MCMDC2: variants seen among roughly 807,000 people sequenced by gnomAD.
MCMDC2 encodes the protein minichromosome maintenance domain-containing protein 2.
A neutral mutation model predicts 75.8 loss-of-function variants in MCMDC2; 54 were observed. The ratio of observed to expected loss-of-function variants is 0.71; its 90% confidence interval spans 0.57 to 0.89. MCMDC2 has a LOEUF of 0.89. Among genes scored for constraint, MCMDC2 ranks in the 40% least tolerant of loss-of-function variants. The pLI is 0.00. For missense variants in MCMDC2, 656 were observed against 780.4 expected (o/e 0.84, Z 1.90); for synonymous variants, 249 against 274.6 (o/e 0.91, Z 0.92).
chr8:66,878,422 A>G, intron 5 of MCMDC2, 152 bp from the exon 6 acceptor site: 2 of 685,150 alleles, frequency 2.9e-6, no homozygotes, highest in Non-Finnish European at 4.3e-6. Flanking sequence ...GAATTAGACT[A>G]ATTTTAAAGG....
chr8:66,911,549 C>T (rs768596676), intron 14 of MCMDC2, among the ~76,000 whole-genome samples: 4 of 152,252 alleles, frequency 2.6e-5, no homozygotes, highest in African/African-American at 9.6e-5. Context: ...GGAGGCCGAG[C>T]GTGGTGGCTC....
rs1342217814 is a variant in MCMDC2 at position 66,880,872 on chromosome 8, A to G, written c.733A>G (p.Ile245Val). The change falls in exon 8 of 15, where the codon ATA (isoleucine) becomes GTA (valine). Residue 245 changes from isoleucine (I) to valine (V), a missense_variant. Ile to Val is a conservative substitution (Grantham distance 29). Transcript: ENST00000422365. ...AGATGAATCAGTGAATAAAATGAAT[A>G]TAGGAAATGAATATAAAATTATTGG... is the stretch of plus-strand genomic sequence containing the variant. Reference protein sequence around the residue: ...LRDESVNKMNIGNEYKIIGIP... With the variant: ...LRDESVNKMNVGNEYKIIGIP... 3.2e-6 allele frequency: 5 copies of G among 1,557,408 alleles called. No homozygotes were observed. Among genetic ancestry groups the G allele is most frequent in the South Asian group, 2.5e-5 (2 of 79,860 alleles).
chr8:66,879,074 A>G (rs918592911), intron 7 of MCMDC2, among the ~76,000 whole-genome samples, 155 bp downstream of exon 7: 3 of 152,110 alleles, frequency 2.0e-5, no homozygotes, highest in African/African-American at 7.2e-5. Context: ...TAAGCAATAT[A>G]GTGAGACCCC....
At position 66,886,895 on chromosome 8, in the gene MCMDC2, G is replaced by A. The variant is rs1232879497; in HGVS notation, c.1073+2901G>A. 2.6e-5 allele frequency among the ~76,000 whole-genome samples: 4 copies of A among 152,198 alleles called. No individual in the cohort carries two copies. In the East Asian group the frequency reaches 5.8e-4, roughly 22 times the overall value. ...TCCATCCTCATCAACATTTGGTGTT[G>A]TGAGCCCTTTGCATTTTAGCCATAC... On this transcript the variant is annotated intron_variant, in intron 9 of 14. Transcript: ENST00000422365.
At chr8:66,913,322 G>A (rs553746591) in intron 14 of MCMDC2, among the ~76,000 whole-genome samples, 5 of 152,136 alleles carry the variant, frequency 3.3e-5, no homozygotes, top group Non-Finnish European at 5.9e-5. Context: ...AATAATTGAC[G>A]TGGCTTGCTT....
At chr8:66,875,790 C>G (rs1198827477) in intron 4 of MCMDC2, among the ~76,000 whole-genome samples, 1 of 152,166 alleles carries the variant, frequency 6.6e-6, no homozygotes, top group African/African-American at 2.4e-5. Flanking sequence ...AATCTAGAGC[C>G]ATTTCCTCTC....
intron 14 of MCMDC2, among the ~76,000 whole-genome samples, chr8:66,917,995 G>T (rs1411580037): frequency 6.6e-6 from 1 of 152,116 alleles, no homozygotes; most frequent in Non-Finnish European, 1.5e-5. Flanking sequence ...TTTCCACAGT[G>T]GGTGCACCAT....
chr8:66,874,484 G>T, intron 3 of MCMDC2, 28 bp downstream of exon 3: 1 of 1,611,982 alleles, frequency 6.2e-7, no homozygotes. Flanking sequence ...ATAATTTTAT[G>T]CCACATGGAA....
In MCMDC2 at chr8:66,872,801, T is replaced by A. The variant is rs567136454; in HGVS notation, c.-88-1252T>A. Among the ~76,000 whole-genome samples, 40 of 151,948 alleles carry A rather than the reference T, an allele frequency of 2.6e-4. 1 individual carries two copies. Among genetic ancestry groups the A allele is most frequent in the Non-Finnish European group, 5.6e-4 (38 of 67,974 alleles). On this transcript the variant is annotated intron_variant, in intron 1 of 14. Coordinates refer to ENST00000422365, the MANE Select transcript of MCMDC2 (RefSeq NM_173518.5). ...GGTGAAACTCCGTCTCTACTAAAAA[T>A]ACAAAAATTAGCTGGGCCGGGTGAC... is the stretch of plus-strand genomic sequence containing the variant.
intron 9 of MCMDC2, among the ~76,000 whole-genome samples, chr8:66,885,303 A>C (rs2130810943): frequency 6.6e-6 from 1 of 151,688 alleles, no homozygotes; most frequent in South Asian, 2.1e-4. Flanking sequence ...ACTGCACTCC[A>C]GCCTGGGCGA....
At chr8:66,900,096 C>A (rs910786771) in intron 12 of MCMDC2, among the ~76,000 whole-genome samples, 1 of 151,494 alleles carries the variant, frequency 6.6e-6, no homozygotes, top group Non-Finnish European at 1.5e-5. Flanking sequence ...GATCGTGCCA[C>A]GGCACTCCAG....
At chr8:66,901,081 A>G (rs2130846712) in intron 12 of MCMDC2, 125 bp from the exon 13 acceptor site, 1 of 685,744 alleles carries the variant, frequency 1.5e-6, no homozygotes, top group East Asian at 2.7e-5. Context: ...GGCCCCAGAC[A>G]TTTACTCTTT....
At chr8:66,872,277 T>G (rs1811058864) in intron 1 of MCMDC2, among the ~76,000 whole-genome samples, 1 of 152,208 alleles carries the variant, frequency 6.6e-6, no homozygotes, top group Admixed American at 6.5e-5. Context: ...GACCTCCATC[T>G]CTGGAACACT....
At chr8:66,871,401 A>T (rs55707908) in intron 1 of MCMDC2, 5,771 of 151,968 alleles carry the variant, frequency 0.038, 164 homozygotes, top group Non-Finnish European at 0.058. Flanking sequence ...TTAAAACCCC[A>T]CTTAGCTTTC....
At chr8:66,905,408 T>A in intron 14 of MCMDC2, 73 bp downstream of exon 14, 1 of 1,175,112 alleles carries the variant, frequency 8.5e-7, no homozygotes, top group South Asian at 2.8e-5. Context: ...GTTGGTTAAA[T>A]TAAAATGTTA....
chr8:66,902,741 T>TAC (rs1554530759), intron 13 of MCMDC2, among the ~76,000 whole-genome samples: 41 of 133,096 alleles, frequency 3.1e-4, no homozygotes, highest in Middle Eastern at 3.9e-3. Flanking sequence ...TATATATATA[T>TAC]ACATATATCT....
At chr8:66,896,484 T>C (rs1180177191) in intron 11 of MCMDC2, 148 bp downstream of exon 11, 4 of 759,782 alleles carry the variant, frequency 5.3e-6, no homozygotes, top group Admixed American at 3.7e-5. Context: ...TTAAAAATTG[T>C]AATGTTTTTT....
chr8:66,916,889 C>T (rs1287110560), intron 14 of MCMDC2, among the ~76,000 whole-genome samples: 7 of 152,004 alleles, frequency 4.6e-5, no homozygotes, highest in African/African-American at 1.7e-4. Context: ...GGTGGGACAT[C>T]GCAAGGGAGT....
chr8:66,896,543 G>A (rs915368487), intron 11 of MCMDC2, among the ~76,000 whole-genome samples: 9 of 151,828 alleles, frequency 5.9e-5, no homozygotes, highest in African/African-American at 2.2e-4. Context: ...ATTTGAATAG[G>A]TAACTAGAGA....
Sources: gnomAD v4.1 joint callset for allele counts (sites outside exome capture counted in the v4.1 genomes callset) on GRCh38, gnomAD v4.1.1 for gene constraint, MANE v1.5 for transcripts, NCBI Gene and HGNC (gene_info 2026-07-23, HGNC 2026-07-21) for gene names.